Variants in UBL3 observed in about 807,000 individuals in gnomAD.
UBL3 encodes ubiquitin-like protein 3.
Under a neutral mutation model 18.4 loss-of-function variants are expected in UBL3, and 6 were observed. That is an observed-to-expected ratio of 0.33 (90% CI 0.18 to 0.64). UBL3 has a LOEUF of 0.64. UBL3 is among the 30% of genes least tolerant of loss of function. The pLI is 0.76. For missense variants in UBL3, 109 were observed against 142.9 expected (o/e 0.76, Z 1.21); for synonymous variants, 49 against 46.6 (o/e 1.05, Z -0.21).
chr13:29,786,164 C>G (rs1393993889), intron 1 of UBL3, among the ~76,000 whole-genome samples: 2 of 152,276 alleles, frequency 1.3e-5, no homozygotes, highest in Non-Finnish European at 2.9e-5. Context: ...CCCACAGCAC[C>G]TAGCTACCAT....
intron 1 of UBL3, among the ~76,000 whole-genome samples, chr13:29,835,184 A>ATATATATATC: frequency 1.1e-5 from 1 of 89,598 alleles, no homozygotes; most frequent in Admixed American, 1.5e-4. Context: ...ATATATATAT[A>ATATATATATC]TCTCCACCCT....
At chr13:29,813,863 C>CA (rs1397489159) in intron 1 of UBL3, among the ~76,000 whole-genome samples, 1 of 152,010 alleles carries the variant, frequency 6.6e-6, no homozygotes, top group Admixed American at 6.6e-5. Context: ...CTTTAAACAC[C>CA]ACCACAATAT....
chr13:29,842,425 T>C (rs1005016680), intron 1 of UBL3, among the ~76,000 whole-genome samples: 38 of 151,970 alleles, frequency 2.5e-4, no homozygotes, highest in Admixed American at 1.8e-3. Flanking sequence ...TCCCAAAATG[T>C]TGGGATTACA....
Position 29,835,132 on chromosome 13 carries a change from ATATATATATAT to A in UBL3, c.27+14369_27+14379del, listed in dbSNP as rs1878911905. Among the ~76,000 whole-genome samples, 7 of 5,956 alleles carry A rather than the reference ATATATATATAT, an allele frequency of 1.2e-3. 1 individual carries two copies. Among genetic ancestry groups the A allele is most frequent in the African/African-American group, 4.7e-3 (6 of 1,272 alleles). 3.9% of individuals were successfully genotyped at this position (5,956 alleles called of 152,430 possible). A position where few individuals can be genotyped will look rare whatever the true frequency, so the allele number is the denominator to read the frequency against. On this transcript the variant is annotated intron_variant, in intron 1 of 4. Coordinates refer to ENST00000380680, the MANE Select transcript of UBL3 (RefSeq NM_007106.4). ...AATATATATATATATATAAATATAT[ATATATATATAT>A]ATATATATATATATATATATATATA...
intron 1 of UBL3, among the ~76,000 whole-genome samples, chr13:29,785,718 T>A (rs1877296826): frequency 6.6e-6 from 1 of 152,218 alleles, no homozygotes; most frequent in South Asian, 2.1e-4. Flanking sequence ...CTTTTATTCA[T>A]TTATTCAAAC....
intron 1 of UBL3, among the ~76,000 whole-genome samples, chr13:29,779,951 C>A (rs1180683973): frequency 6.6e-6 from 1 of 152,174 alleles, no homozygotes; most frequent in African/African-American, 2.4e-5. Context: ...GGCTCCTATG[C>A]TCTCTCCCTC....
intron 1 of UBL3, among the ~76,000 whole-genome samples, chr13:29,796,948 AAACTT>A (rs1414439762): frequency 1.3e-5 from 2 of 152,332 alleles, no homozygotes; most frequent in Non-Finnish European, 2.9e-5. Flanking sequence ...TTTTAGGAAA[AAACTT>A]AAAGGCAGGA....
chr13:29,835,825 G>T (rs1878949221), intron 1 of UBL3, among the ~76,000 whole-genome samples: 1 of 151,490 alleles, frequency 6.6e-6, no homozygotes, highest in South Asian at 2.1e-4. Flanking sequence ...CCTTGCTGTG[G>T]GATAGGGCTT....
intron 1 of UBL3, among the ~76,000 whole-genome samples, chr13:29,818,023 CA>C: frequency 6.6e-6 from 1 of 152,194 alleles, no homozygotes; most frequent in Non-Finnish European, 1.5e-5. Flanking sequence ...GCTTCATTCA[CA>C]AATTGCATTT....
At chr13:29,778,108 A>G (rs8000607) in intron 1 of UBL3, among the ~76,000 whole-genome samples, 136,449 of 152,170 alleles carry the variant, frequency 0.9, 61,371 homozygotes, top group East Asian at 0.97. Flanking sequence ...GGTTAAAGAA[A>G]GAATCAATAA....
At chr13:29,798,437 A>G (rs1266291092) in intron 1 of UBL3, among the ~76,000 whole-genome samples, 1 of 152,182 alleles carries the variant, frequency 6.6e-6, no homozygotes, top group Non-Finnish European at 1.5e-5. Context: ...GAAAAATACC[A>G]TAATTACCAT....
At chr13:29,770,823 T>A (rs1593648161) in intron 3 of UBL3, among the ~76,000 whole-genome samples, 1 of 150,152 alleles carries the variant, frequency 6.7e-6, no homozygotes, top group Non-Finnish European at 1.5e-5. Context: ...ACAAAAGCTA[T>A]AAAAAAAAAG....
At chr13:29,774,357 C>T (rs1330824326) in intron 2 of UBL3, among the ~76,000 whole-genome samples, 1 of 151,938 alleles carries the variant, frequency 6.6e-6, no homozygotes, top group Non-Finnish European at 1.5e-5. Context: ...GTTATGTTTT[C>T]TATAATATCC....
intron 1 of UBL3, among the ~76,000 whole-genome samples, chr13:29,831,503 G>A (rs547065342): frequency 3.0e-4 from 46 of 151,394 alleles, no homozygotes; most frequent in African/African-American, 1.0e-3. Context: ...CAGGAGAATC[G>A]CTTGAACCAG....
At chr13:29,846,906 C>T (rs915506084) in intron 1 of UBL3, among the ~76,000 whole-genome samples, 3 of 152,160 alleles carry the variant, frequency 2.0e-5, no homozygotes, top group Non-Finnish European at 4.4e-5. Context: ...CAGTACATAT[C>T]CTGATCAATT....
rs181154683 is a variant in UBL3, at chr13:29,765,965, C to T, written c.*1290G>A. 27 of 152,550 alleles carry T rather than the reference C, an allele frequency of 1.8e-4. No individual in the cohort carries two copies. Among genetic ancestry groups the T allele is most frequent in the Admixed American group, 8.5e-4 (13 of 15,280 alleles). The allele number at this position is 152,550 out of a possible 1,614,324, so 9.4% of individuals were successfully genotyped here. A position where few individuals can be genotyped will look rare whatever the true frequency, so the allele number is the denominator to read the frequency against. The stretch of plus-strand genomic sequence containing the variant: ...ATATGGAATATTGTTCTGTATACTA[C>T]GCGCCAATCTATATTTTAAGTCCTG... On this transcript the variant is annotated 3_prime_UTR_variant, in exon 5 of 5. Coordinates refer to ENST00000380680, the MANE Select transcript of UBL3 (RefSeq NM_007106.4).
intron 1 of UBL3, among the ~76,000 whole-genome samples, chr13:29,810,940 C>T (rs975444898): frequency 1.3e-5 from 2 of 152,002 alleles, no homozygotes; most frequent in East Asian, 1.9e-4. Flanking sequence ...ACCTGGAAAA[C>T]GTACTCAACT....
chr13:29,778,994 C>T (rs1877074726), intron 1 of UBL3, among the ~76,000 whole-genome samples: 1 of 152,130 alleles, frequency 6.6e-6, no homozygotes, highest in Non-Finnish European at 1.5e-5. Flanking sequence ...TTTCTTGCTG[C>T]TTTTTCTAAT....
At position 29,828,768 on chromosome 13, in the gene UBL3, C is replaced by T. The variant is rs192520043; in HGVS notation, c.27+20744G>A. Among the ~76,000 whole-genome samples, 45 of 152,312 alleles carry T rather than the reference C, an allele frequency of 3.0e-4. No individual in the cohort carries two copies. In the East Asian group the frequency reaches 8.3e-3, roughly 28 times the overall value. On this transcript the variant is annotated intron_variant, in intron 1 of 4. Transcript: ENST00000380680. ...CAGGCGCTCTGATTTTTAGAATTTT[C>T]GGCTTTTCTGCTCTGTTTTTTCCCC...
Sources: allele counts gnomAD v4.1 joint callset (sites outside exome capture counted in the v4.1 genomes callset), GRCh38; gene constraint gnomAD v4.1.1; transcripts MANE v1.5; gene names NCBI Gene and HGNC (gene_info 2026-07-23, HGNC 2026-07-21).